CAMKMT: variants seen among roughly 807,000 people sequenced by gnomAD.
CAMKMT encodes CaM KMT.
In CAMKMT, 53 loss-of-function variants were observed where a neutral mutation model predicts 48.0. The ratio of observed to expected loss-of-function variants is 1.10; its 90% CI spans 0.89 to 1.39. The LOEUF (loss-of-function observed/expected upper bound fraction) is 1.39, where lower values mean the gene tolerates loss of function less well. Among genes scored for constraint, CAMKMT ranks in the 40% most tolerant of loss-of-function variants. The probability of loss-of-function intolerance (pLI) is 0.00; values close to 1 mark genes in which losing one functional copy is unlikely to be tolerated. For synonymous variants in CAMKMT, 165 were observed against 152.3 expected (o/e 1.08, Z -0.61); for missense variants, 428 against 402.7 (o/e 1.06, Z -0.54).
intron 6 of CAMKMT, among the ~76,000 whole-genome samples, chr2:44,710,878 A>G (rs1362462376): frequency 6.6e-6 from 1 of 152,216 alleles, no homozygotes; most frequent in African/African-American, 2.4e-5. Context: ...GTAAACATCT[A>G]GCAGTTCTAT....
chr2:44,404,558 A>G (rs899093485), intron 3 of CAMKMT, among the ~76,000 whole-genome samples: 3 of 152,228 alleles, frequency 2.0e-5, no homozygotes, highest in East Asian at 3.9e-4. Flanking sequence ...AGCATGCCCT[A>G]TTCCTCATGA....
intron 3 of CAMKMT, among the ~76,000 whole-genome samples, chr2:44,418,324 T>A (rs1052815817): frequency 6.6e-6 from 1 of 152,072 alleles, no homozygotes; most frequent in Non-Finnish European, 1.5e-5. Context: ...TTTTTTTTTA[T>A]GTGTTCTTCT....
At chr2:44,672,413 G>C (rs1292258276) in intron 3 of CAMKMT, among the ~76,000 whole-genome samples, 1 of 151,058 alleles carries the variant, frequency 6.6e-6, no homozygotes, top group African/African-American at 2.4e-5. Context: ...AATTTTGTGG[G>C]TTTTTTTTTC....
intron 2 of CAMKMT, among the ~76,000 whole-genome samples, chr2:44,376,821 T>C (rs373762624): frequency 2.0e-5 from 3 of 152,196 alleles, no homozygotes; most frequent in Admixed American, 6.5e-5. Context: ...TGACTTTTCA[T>C]CTGAAGCTAA....
intron 7 of CAMKMT, among the ~76,000 whole-genome samples, chr2:44,738,770 G>T (rs1679503400): frequency 6.6e-6 from 1 of 152,184 alleles, no homozygotes; most frequent in African/African-American, 2.4e-5. Flanking sequence ...TAAAGAGCAA[G>T]ATAAGGGGGT....
At chr2:44,536,699 T>C (rs1174156129) in intron 3 of CAMKMT, among the ~76,000 whole-genome samples, 1 of 152,104 alleles carries the variant, frequency 6.6e-6, no homozygotes, top group African/African-American at 2.4e-5. Context: ...AGAGCCTGAA[T>C]AGGCAAACCA....
intron 3 of CAMKMT, among the ~76,000 whole-genome samples, chr2:44,533,298 G>A (rs1666589823): frequency 6.6e-6 from 1 of 151,534 alleles, no homozygotes; most frequent in Non-Finnish European, 1.5e-5. Context: ...GAGTGCAATG[G>A]TGTGATCTTG....
chr2:44,610,859 ATT>A (rs1439281435), intron 3 of CAMKMT, among the ~76,000 whole-genome samples: 1 of 152,182 alleles, frequency 6.6e-6, no homozygotes, highest in African/African-American at 2.4e-5. Context: ...ATTTTTGAGA[ATT>A]TTGACATATA....
chr2:44,572,945 T>G (rs978154919), intron 3 of CAMKMT, among the ~76,000 whole-genome samples: 1 of 152,212 alleles, frequency 6.6e-6, no homozygotes, highest in African/African-American at 2.4e-5. Flanking sequence ...GTTTTTGATT[T>G]GCATTTCCCT....
intron 3 of CAMKMT, among the ~76,000 whole-genome samples, chr2:44,497,904 A>G (rs1235079529): frequency 6.6e-6 from 1 of 151,998 alleles, no homozygotes; most frequent in Non-Finnish European, 1.5e-5. Context: ...TGGAGCAGGG[A>G]AGTTGGGGGA....
intron 3 of CAMKMT, among the ~76,000 whole-genome samples, chr2:44,395,882 A>G (rs1266999842): frequency 6.6e-6 from 1 of 152,172 alleles, no homozygotes; most frequent in Admixed American, 6.5e-5. Context: ...TGTGAAAACA[A>G]TGTAAAGCTA....
intron 3 of CAMKMT, among the ~76,000 whole-genome samples, chr2:44,413,754 C>G (rs1436019161): frequency 6.6e-6 from 1 of 151,922 alleles, no homozygotes; most frequent in African/African-American, 2.4e-5. Flanking sequence ...TGGCTTATAT[C>G]TACTGTGTTG....
chr2:44,686,703 A>C (rs534444871), intron 3 of CAMKMT, among the ~76,000 whole-genome samples: 2 of 152,326 alleles, frequency 1.3e-5, no homozygotes, highest in Admixed American at 1.3e-4. Context: ...ATCTTTCTGG[A>C]AATGAACGCT....
chr2:44,643,120 A>T (rs1162446010), intron 3 of CAMKMT, among the ~76,000 whole-genome samples: 2 of 152,172 alleles, frequency 1.3e-5, no homozygotes, highest in Non-Finnish European at 2.9e-5. Context: ...TATACTTTTT[A>T]AAAAACTCCC....
intron 3 of CAMKMT, among the ~76,000 whole-genome samples, chr2:44,627,602 A>G (rs554900): frequency 0.99 from 149,760 of 151,952 alleles, 73,803 homozygotes; most frequent in Middle Eastern, 1. Flanking sequence ...TCTTGTGTCA[A>G]TTTTGACAAC....
At chr2:44,718,435 A>C (rs1678287211) in intron 7 of CAMKMT, among the ~76,000 whole-genome samples, 1 of 152,202 alleles carries the variant, frequency 6.6e-6, no homozygotes, top group East Asian at 1.9e-4. Flanking sequence ...CATTCACTTA[A>C]CAAGTATGTC....
intron 3 of CAMKMT, among the ~76,000 whole-genome samples, chr2:44,396,224 G>A (rs1490748786): frequency 1.3e-5 from 2 of 152,020 alleles, no homozygotes; most frequent in African/African-American, 4.8e-5. Context: ...CTAAGTGCGA[G>A]TCAAACACCA....
intron 7 of CAMKMT, among the ~76,000 whole-genome samples, chr2:44,729,007 A>G (rs1191999361): frequency 6.7e-6 from 1 of 148,420 alleles, no homozygotes; most frequent in Non-Finnish European, 1.5e-5. Flanking sequence ...ACAATACAAC[A>G]TGTCTTTTGT....
At chr2:44,422,368 T>G (rs984221532) in intron 3 of CAMKMT, among the ~76,000 whole-genome samples, 1 of 152,186 alleles carries the variant, frequency 6.6e-6, no homozygotes, top group Non-Finnish European at 1.5e-5. Context: ...ACTAGCACAT[T>G]AATGTTGACT....
Sources: allele counts gnomAD v4.1 joint callset (sites outside exome capture counted in the v4.1 genomes callset), GRCh38; gene constraint gnomAD v4.1.1; transcripts MANE v1.5; gene names NCBI Gene and HGNC (gene_info 2026-07-23, HGNC 2026-07-21).